BCAS1: variants seen among roughly 807,000 people sequenced by gnomAD.
The protein encoded by BCAS1 is brain enriched myelin associated protein 1.
Under a neutral mutation model 65.4 loss-of-function variants are expected in BCAS1, and 46 were observed. That is an observed-to-expected ratio of 0.70 (90% CI 0.55 to 0.90). BCAS1 has a LOEUF of 0.90. Among genes scored for constraint, BCAS1 ranks in the 40% least tolerant of loss-of-function variants. The probability of loss-of-function intolerance (pLI) is 0.00; values close to 1 mark genes in which losing one functional copy is unlikely to be tolerated. For synonymous variants in BCAS1, 298 were observed against 293.5 expected (o/e 1.02, Z -0.16); for missense variants, 793 against 771.2 (o/e 1.03, Z -0.33).
chr20:53,970,892 T>C, intron 9 of BCAS1, among the ~76,000 whole-genome samples: 1 of 151,950 alleles, frequency 6.6e-6, no homozygotes, highest in East Asian at 1.9e-4. Flanking sequence ...GGACTTTTAA[T>C]GTGATTGATT....
chr20:53,995,174 G>A, intron 5 of BCAS1, 118 bp from the exon 6 acceptor site: 1 of 828,770 alleles, frequency 1.2e-6, no homozygotes, highest in Non-Finnish European at 1.9e-6. Context: ...AGAATAAAAT[G>A]AGAAGTATTT....
chr20:54,057,717 G>A (rs753351692), intron 3 of BCAS1, among the ~76,000 whole-genome samples: 2 of 152,216 alleles, frequency 1.3e-5, no homozygotes, highest in Non-Finnish European at 2.9e-5. Flanking sequence ...CAACATGACT[G>A]CTTCCATATG....
chr20:53,992,381 A>T, intron 7 of BCAS1, 131 bp downstream of exon 7: 1 of 680,676 alleles, frequency 1.5e-6, no homozygotes, highest in Non-Finnish European at 2.1e-6. Flanking sequence ...ATCATCTTTA[A>T]TTCTCTTTTA....
intron 8 of BCAS1, among the ~76,000 whole-genome samples, chr20:53,978,215 T>G (rs1312988697): frequency 6.6e-6 from 1 of 152,016 alleles, no homozygotes; most frequent in Non-Finnish European, 1.5e-5. Context: ...TGGATGAAAT[T>G]GGAAATCATC....
intron 10 of BCAS1, among the ~76,000 whole-genome samples, chr20:53,960,318 CT>C (rs1489210843): frequency 6.6e-6 from 1 of 152,028 alleles, no homozygotes; most frequent in East Asian, 1.9e-4. Flanking sequence ...AATTTGCTTT[CT>C]TTCCCCCCAT....
chr20:54,005,241 A>AACACAGGAGT (rs1202445171), intron 4 of BCAS1, among the ~76,000 whole-genome samples: 15 of 151,630 alleles, frequency 9.9e-5, no homozygotes, highest in Admixed American at 3.9e-4. Context: ...GAATTGCTTG[A>AACACAGGAGT]ACACAGGAGT....
At chr20:53,977,253 G>T (rs1170219569) in intron 8 of BCAS1, among the ~76,000 whole-genome samples, 1 of 152,162 alleles carries the variant, frequency 6.6e-6, no homozygotes, top group Non-Finnish European at 1.5e-5. Context: ...ATTACAATTT[G>T]AGATGAGATT....
intron 9 of BCAS1, among the ~76,000 whole-genome samples, chr20:53,973,992 G>A (rs1331518375): frequency 5.3e-5 from 8 of 152,126 alleles, no homozygotes; most frequent in Non-Finnish European, 1.0e-4. Flanking sequence ...CTAGCTAAAG[G>A]ATTGTAAATG....
intron 9 of BCAS1, among the ~76,000 whole-genome samples, chr20:53,973,052 A>G (rs1410688156): frequency 6.6e-6 from 1 of 152,060 alleles, no homozygotes; most frequent in Non-Finnish European, 1.5e-5. Flanking sequence ...AGATGGTGAA[A>G]CCCTGTGTCT....
chr20:54,006,253 C>A (rs749571538), intron 4 of BCAS1, among the ~76,000 whole-genome samples: 8 of 152,158 alleles, frequency 5.3e-5, no homozygotes, highest in Non-Finnish European at 1.0e-4. Context: ...TTCCCCTTAA[C>A]CCCTCCTCCC....
At chr20:54,008,061 A>C (rs2091240463) in intron 4 of BCAS1, among the ~76,000 whole-genome samples, 1 of 152,232 alleles carries the variant, frequency 6.6e-6, no homozygotes, top group African/African-American at 2.4e-5. Flanking sequence ...CTAAAGGACC[A>C]GGAAAGGGCA....
At chr20:54,002,234 A>G (rs1175600919) in intron 4 of BCAS1, among the ~76,000 whole-genome samples, 1 of 152,008 alleles carries the variant, frequency 6.6e-6, no homozygotes, top group Non-Finnish European at 1.5e-5. Context: ...GCTCTGCCTC[A>G]GTTCCTCCCC....
intron 6 of BCAS1, among the ~76,000 whole-genome samples, chr20:53,993,052 G>A (rs1408151158): frequency 6.6e-6 from 1 of 152,148 alleles, no homozygotes. Context: ...TCATCCTGGA[G>A]TCAAAGCAAA....
At chr20:54,065,457 G>A (rs988609935) in intron 1 of BCAS1, among the ~76,000 whole-genome samples, 5 of 152,188 alleles carry the variant, frequency 3.3e-5, no homozygotes, top group Admixed American at 6.5e-5. Flanking sequence ...TGATAGTCAC[G>A]GTTCAGCTTT....
At chr20:53,974,204 G>A (rs548078862) in intron 9 of BCAS1, among the ~76,000 whole-genome samples, 29 of 152,148 alleles carry the variant, frequency 1.9e-4, no homozygotes, top group African/African-American at 2.4e-5. Context: ...AGTAAAAGCT[G>A]GCCACCCCAG....
chr20:53,964,538 A>C (rs1391830157), intron 10 of BCAS1, among the ~76,000 whole-genome samples: 1 of 152,228 alleles, frequency 6.6e-6, no homozygotes, highest in African/African-American at 2.4e-5. Flanking sequence ...CATGGAATCC[A>C]ATTCTAAGAA....
intron 9 of BCAS1, among the ~76,000 whole-genome samples, chr20:53,974,794 T>A (rs1315501728): frequency 6.6e-6 from 1 of 152,340 alleles, no homozygotes; most frequent in Non-Finnish European, 1.5e-5. Context: ...TATAGCACCA[T>A]CCCTTTCGGG....
chr20:54,043,317 GA>G (rs1833037469), intron 3 of BCAS1, among the ~76,000 whole-genome samples: 1 of 150,550 alleles, frequency 6.6e-6, no homozygotes, highest in African/African-American at 2.5e-5. Context: ...TGATGATGAT[GA>G]TGATGATGAT....
chr20:54,018,254 C>T (rs967620878), intron 4 of BCAS1, among the ~76,000 whole-genome samples: 2 of 152,112 alleles, frequency 1.3e-5, no homozygotes, highest in African/African-American at 4.8e-5. Context: ...CTTGTTAATT[C>T]TCTTTCTTTT....
Sources: gnomAD v4.1 joint callset for allele counts (sites outside exome capture counted in the v4.1 genomes callset) on GRCh38, gnomAD v4.1.1 for gene constraint, MANE v1.5 for transcripts, NCBI Gene and HGNC (gene_info 2026-07-23, HGNC 2026-07-21) for gene names.